Variants in PXDN observed in about 807,000 individuals in gnomAD.
PXDN encodes peroxidasin.
PXDN carries 77 observed loss-of-function variants against 140.3 expected under a neutral mutation model. The ratio of observed to expected loss-of-function variants is 0.55; its 90% CI spans 0.46 to 0.66. PXDN has a LOEUF of 0.66. Among genes scored for constraint, PXDN ranks in the 30% least tolerant of loss-of-function variants. PXDN has a pLI of 0.00. For missense variants in PXDN, 1,838 were observed against 2,039.5 expected, an observed-to-expected ratio of 0.90 and a Z score of 1.90; for synonymous variants, 911 against 857.4, an observed-to-expected ratio of 1.06 and a Z score of -1.09.
At chr2:1,705,627 AG>A (rs1684581769) in intron 1 of PXDN, among the ~76,000 whole-genome samples, 1 of 139,424 alleles carries the variant, frequency 7.2e-6, no homozygotes, top group Non-Finnish European at 1.5e-5. Context: ...CCTGGGACGC[AG>A]GGTGCAGGGT....
chr2:1,667,015 C>A (rs1047515358), intron 9 of PXDN, among the ~76,000 whole-genome samples: 9 of 152,138 alleles, frequency 5.9e-5, no homozygotes, highest in African/African-American at 1.9e-4. Context: ...ACAGAACTCT[C>A]CCATGCTGGC....
At chr2:1,677,962 G>A (rs1246691641) in intron 7 of PXDN, among the ~76,000 whole-genome samples, 1 of 152,186 alleles carries the variant, frequency 6.6e-6, no homozygotes, top group Non-Finnish European at 1.5e-5. Context: ...TCTGCTCAGT[G>A]CTGCCATTCT....
intron 1 of PXDN, among the ~76,000 whole-genome samples, chr2:1,697,707 G>A (rs538755690): frequency 4.3e-4 from 65 of 152,186 alleles, no homozygotes; most frequent in Admixed American, 9.8e-4. Flanking sequence ...CTCCCACCCC[G>A]TCCTCCTGCA....
chr2:1,726,784 C>G (rs894871980), intron 1 of PXDN, among the ~76,000 whole-genome samples: 1 of 152,104 alleles, frequency 6.6e-6, no homozygotes, highest in Non-Finnish European at 1.5e-5. Flanking sequence ...CTTGGCTGTA[C>G]AGAGCTTTTA....
intron 1 of PXDN, among the ~76,000 whole-genome samples, chr2:1,710,770 G>A (rs1316402801): frequency 1.1e-3 from 35 of 31,082 alleles, no homozygotes; most frequent in African/African-American, 5.8e-3. Flanking sequence ...CACTCCACCA[G>A]CACCCACTCT....
Position 1,634,140 on chromosome 2 carries a change from C to T in PXDN, c.*64G>A. ...TTCCTGGTCTGCAGTCCGCAGCTCC[C>T]TGCCATCGGCCACCCGATCTCACGA... On this transcript the variant is annotated 3_prime_UTR_variant, in exon 23 of 23. Coordinates refer to ENST00000252804, the MANE Select transcript of PXDN (RefSeq NM_012293.3). The T allele has an allele frequency of 1.3e-6, 2 of 1,541,060 alleles. No homozygotes were observed. Among genetic ancestry groups the T allele is most frequent in the Non-Finnish European group, 1.8e-6 (2 of 1,139,450 alleles).
chr2:1,736,935 C>G (rs1685435574), intron 1 of PXDN, among the ~76,000 whole-genome samples: 1 of 152,206 alleles, frequency 6.6e-6, no homozygotes, highest in African/African-American at 2.4e-5. Context: ...AACTGTAGAA[C>G]AAAAGACAGA....
At chr2:1,735,718 G>A (rs1435008568) in intron 1 of PXDN, among the ~76,000 whole-genome samples, 7 of 152,174 alleles carry the variant, frequency 4.6e-5, no homozygotes, top group Admixed American at 4.6e-4. Flanking sequence ...TAGGGTTGGG[G>A]AATGGTAAAT....
At chr2:1,664,020 G>A in intron 11 of PXDN, 1 of 473,088 alleles carries the variant, frequency 2.1e-6, no homozygotes, top group South Asian at 3.0e-5. Flanking sequence ...AGGGGGCCAG[G>A]AGGACATGGG....
At chr2:1,725,408 C>G (rs1020835188) in intron 1 of PXDN, among the ~76,000 whole-genome samples, 5 of 151,888 alleles carry the variant, frequency 3.3e-5, no homozygotes, top group African/African-American at 1.2e-4. Context: ...CTTCCTTACA[C>G]CTTATACAAA....
At chr2:1,674,510 C>T (rs926378538) in intron 8 of PXDN, among the ~76,000 whole-genome samples, 3 of 152,212 alleles carry the variant, frequency 2.0e-5, no homozygotes, top group Non-Finnish European at 4.4e-5. Context: ...AGTCCTCGGG[C>T]AGCAAGGACC....
intron 16 of PXDN, among the ~76,000 whole-genome samples, chr2:1,652,055 G>T (rs768362113): frequency 6.6e-6 from 1 of 152,144 alleles, no homozygotes; most frequent in East Asian, 1.9e-4. Flanking sequence ...CATTGTTGGG[G>T]TGATTTTACT....
At chr2:1,727,027 GTTTCT>G (rs1685202200) in intron 1 of PXDN, among the ~76,000 whole-genome samples, 1 of 152,194 alleles carries the variant, frequency 6.6e-6, no homozygotes, top group South Asian at 2.1e-4. Flanking sequence ...AAAATCAGAT[GTTTCT>G]TAAACACATA....
chr2:1,721,826 T>A (rs1302973687), intron 1 of PXDN, among the ~76,000 whole-genome samples: 1 of 151,746 alleles, frequency 6.6e-6, no homozygotes, highest in African/African-American at 2.4e-5. Flanking sequence ...AATAAATAAA[T>A]AAATAAATAA....
intron 1 of PXDN, among the ~76,000 whole-genome samples, chr2:1,743,847 G>A (rs1572211380): frequency 1.4e-5 from 2 of 139,512 alleles, no homozygotes; most frequent in African/African-American, 5.3e-5. Context: ...CTGAGCGGGG[G>A]AAAGGTGAGC....
intron 12 of PXDN, among the ~76,000 whole-genome samples, chr2:1,663,328 C>T (rs1282199075): frequency 2.0e-5 from 3 of 152,086 alleles, no homozygotes; most frequent in African/African-American, 7.2e-5. Context: ...AGGGAAAAAA[C>T]CTGATAGATT....
At position 1,651,956 on chromosome 2, in the gene PXDN, G is replaced by A. The variant is rs1683024413; in HGVS notation, c.2104+1672C>T. Among the ~76,000 whole-genome samples the A allele has an allele frequency of 6.6e-6, 1 of 152,210 alleles. No individual in the cohort carries two copies. The highest frequency in any genetic ancestry group is 6.5e-5 in the Admixed American group (1 of 15,292). ...TGGCATAGAGGGTGTGCCCTGACAG[G>A]CAGGTGGAACGAATAAGTGAAGAAA... is the stretch of plus-strand genomic sequence containing the variant. On this transcript the variant is annotated intron_variant, in intron 16 of 22. Coordinates refer to ENST00000252804, the MANE Select transcript of PXDN (RefSeq NM_012293.3). This position sits in a 1 kb window ranked among gnomAD's most constrained non-coding sequence, Gnocchi z 4.4.
intron 9 of PXDN, among the ~76,000 whole-genome samples, chr2:1,669,275 G>A (rs1301892578): frequency 6.6e-6 from 1 of 152,110 alleles, no homozygotes; most frequent in Non-Finnish European, 1.5e-5. Flanking sequence ...ACAGGGAGTG[G>A]AACATCAAAC....
intron 18 of PXDN, among the ~76,000 whole-genome samples, chr2:1,643,854 C>T (rs542539122): frequency 5.7e-4 from 87 of 152,088 alleles, no homozygotes; most frequent in African/African-American, 2.0e-3. Flanking sequence ...GGGCGGATCA[C>T]GAGGTCAGGA....
Sources: gnomAD v4.1 joint callset for allele counts (sites outside exome capture counted in the v4.1 genomes callset) on GRCh38, gnomAD v4.1.1 for gene constraint, Gnocchi (gnomAD v3.1) non-coding constraint, MANE v1.5 for transcripts, NCBI Gene and HGNC (gene_info 2026-07-23, HGNC 2026-07-21) for gene names.